Variants in TLE4 observed in about 807,000 individuals in gnomAD.
TLE4 encodes TLE family member 4, transcriptional corepressor, also known as transducin-like enhancer protein 4.
A neutral mutation model predicts 92.8 loss-of-function variants in TLE4; 8 were observed. That is an observed-to-expected ratio of 0.09 (90% CI 0.05 to 0.16). The LOEUF (loss-of-function observed/expected upper bound fraction) is 0.16. Ranked by LOEUF, TLE4 falls within the 10% of genes least tolerant of loss-of-function variation. The probability of loss-of-function intolerance (pLI) is 1.00; values close to 1 mark genes in which losing one functional copy is unlikely to be tolerated. For missense variants in TLE4, 675 were observed against 997.6 expected, an observed-to-expected ratio of 0.68 and a Z score of 4.36; for synonymous variants, 371 against 374.1, an observed-to-expected ratio of 0.99 and a Z score of 0.10.
At chr9:79,666,163 C>CTGTGTG (rs34558090) in intron 8 of TLE4, among the ~76,000 whole-genome samples, 129 of 126,468 alleles carry the variant, frequency 1.0e-3, no homozygotes, top group Admixed American at 4.4e-3. Context: ...TTTCCTTCAT[C>CTGTGTG]TGTGTGTGTG....
At chr9:79,652,817 C>A (rs2297499) in intron 7 of TLE4, 23 bp downstream of exon 7, 458 of 1,610,922 alleles carry the variant, frequency 2.8e-4, no homozygotes, top group Middle Eastern at 5.0e-4. Context: ...CTTGGAATGC[C>A]AATCTGAGAT....
At chr9:79,614,073 G>A (rs1015805560) in intron 5 of TLE4, among the ~76,000 whole-genome samples, 5 of 152,132 alleles carry the variant, frequency 3.3e-5, no homozygotes, top group Non-Finnish European at 5.9e-5. Flanking sequence ...GAGTCAAGGG[G>A]TGTATCTGCA....
At chr9:79,682,487 G>T (rs193125546) in intron 8 of TLE4, among the ~76,000 whole-genome samples, 1 of 152,132 alleles carries the variant, frequency 6.6e-6, no homozygotes, top group East Asian at 1.9e-4. Flanking sequence ...GAGGCAAAGC[G>T]GTCAAAAACC....
intron 8 of TLE4, among the ~76,000 whole-genome samples, chr9:79,665,932 C>T (rs970603395): frequency 1.3e-5 from 2 of 152,088 alleles, no homozygotes; most frequent in Admixed American, 6.5e-5. Flanking sequence ...ACAGTTAACA[C>T]GGATTATTAG....
At chr9:79,616,241 C>G (rs368537292) in intron 5 of TLE4, among the ~76,000 whole-genome samples, 11 of 152,146 alleles carry the variant, frequency 7.2e-5, no homozygotes, top group East Asian at 5.8e-4. Flanking sequence ...TATTACAAAT[C>G]GTGTGGTTTA....
At chr9:79,591,951 T>C (rs1015471802) in intron 4 of TLE4, among the ~76,000 whole-genome samples, 28 of 152,206 alleles carry the variant, frequency 1.8e-4, no homozygotes, top group Admixed American at 1.2e-3. Context: ...CTTTCATCTC[T>C]CCTGCCAAAT....
chr9:79,637,167 G>C lies in TLE4; in HGVS notation c.390+9719G>C, dbSNP rs58415402. Among the ~76,000 whole-genome samples, 272 of 112,738 alleles carry C rather than the reference G, an allele frequency of 2.4e-3. 1 individual carries two copies. The highest frequency in any genetic ancestry group is 0.013 in the African/African-American group (263 of 19,938). 74.0% of individuals were successfully genotyped at this position (112,738 alleles called of 152,430 possible). On this transcript the variant is annotated intron_variant, in intron 6 of 19. Coordinates refer to ENST00000376552, the MANE Select transcript of TLE4 (RefSeq NM_007005.6). ...TTTTGTGTCATAGTTATTTTTCTAG[G>C]TTTATCACCTCCCTAGGCTTGTATT...
chr9:79,611,720 A>G (rs2048402717), intron 4 of TLE4, among the ~76,000 whole-genome samples: 1 of 152,052 alleles, frequency 6.6e-6, no homozygotes. Context: ...AAAACTGTGT[A>G]TTTATACATC....
intron 16 of TLE4, among the ~76,000 whole-genome samples, chr9:79,720,600 G>A (rs1207737744): frequency 6.6e-6 from 1 of 151,948 alleles, no homozygotes; most frequent in Non-Finnish European, 1.5e-5. Context: ...TTAATAAAAT[G>A]AGGTCAATTT....
chr9:79,633,775 C>G (rs761126371), intron 6 of TLE4, among the ~76,000 whole-genome samples: 2 of 152,142 alleles, frequency 1.3e-5, no homozygotes, highest in African/African-American at 4.8e-5. Context: ...CACCAACTTC[C>G]GTATAGTCAG....
chr9:79,712,745 G>T (rs1244628068), intron 14 of TLE4, among the ~76,000 whole-genome samples: 2 of 152,230 alleles, frequency 1.3e-5, no homozygotes, highest in Non-Finnish European at 2.9e-5. Flanking sequence ...TAACAGCATA[G>T]TTTAATTTCA....
chr9:79,702,659 G>T (rs193301884), intron 8 of TLE4, among the ~76,000 whole-genome samples: 1 of 152,170 alleles, frequency 6.6e-6, no homozygotes, highest in African/African-American at 2.4e-5. Flanking sequence ...AAGGCTGAAC[G>T]TTTGATAGGT....
intron 11 of TLE4, among the ~76,000 whole-genome samples, chr9:79,707,795 C>T (rs2072100504): frequency 6.6e-6 from 1 of 152,168 alleles, no homozygotes; most frequent in Non-Finnish European, 1.5e-5. Flanking sequence ...ACAGTTACCC[C>T]AGTCTTTACC....
At chr9:79,656,790 A>G (rs149625299) in intron 8 of TLE4, among the ~76,000 whole-genome samples, 1 of 152,340 alleles carries the variant, frequency 6.6e-6, no homozygotes, top group African/African-American at 2.4e-5. Context: ...AATAGCTTAT[A>G]AACTATAAAT....
At chr9:79,603,869 C>T (rs2046236440) in intron 4 of TLE4, among the ~76,000 whole-genome samples, 1 of 152,066 alleles carries the variant, frequency 6.6e-6, no homozygotes, top group South Asian at 2.1e-4. Context: ...CCTACATTCT[C>T]TAGAACCTTA....
chr9:79,704,642 C>G, intron 8 of TLE4, 141 bp from the exon 9 acceptor site: 1 of 1,103,644 alleles, frequency 9.1e-7, no homozygotes, highest in Non-Finnish European at 1.3e-6. Flanking sequence ...TCGTCTCCTC[C>G]GCTTTCTCCT....
intron 6 of TLE4, among the ~76,000 whole-genome samples, chr9:79,629,091 G>T (rs951393025): frequency 2.0e-5 from 3 of 152,156 alleles, no homozygotes; most frequent in African/African-American, 7.2e-5. Flanking sequence ...AGGAGAGGTT[G>T]CTGGGTCATT....
intron 8 of TLE4, among the ~76,000 whole-genome samples, chr9:79,682,306 T>G (rs1329696624): frequency 6.6e-6 from 1 of 152,188 alleles, no homozygotes; most frequent in Non-Finnish European, 1.5e-5. Context: ...TGTTTGATTA[T>G]AGACTGTTAT....
intron 8 of TLE4, among the ~76,000 whole-genome samples, chr9:79,674,152 G>T (rs2062861667): frequency 6.6e-6 from 1 of 152,190 alleles, no homozygotes. Flanking sequence ...TGAAAACCAT[G>T]TGCTTTGTAG....
Sources: gnomAD v4.1 joint callset for allele counts (sites outside exome capture counted in the v4.1 genomes callset) on GRCh38, gnomAD v4.1.1 for gene constraint, MANE v1.5 for transcripts, NCBI Gene and HGNC (gene_info 2026-07-23, HGNC 2026-07-21) for gene names.